Variants in ANKS1B observed in about 807,000 individuals in gnomAD.
ANKS1B encodes ankyrin repeat and sterile alpha motif domain containing 1B.
Under a neutral mutation model 148.3 loss-of-function variants are expected in ANKS1B, and 36 were observed. The observed-to-expected ratio is 0.24, with a 90% confidence interval of 0.19 to 0.32. The LOEUF is 0.32. Ranked by LOEUF, ANKS1B falls within the 10% of genes least tolerant of loss-of-function variation. The pLI is 1.00. For synonymous variants in ANKS1B, 542 were observed against 560.8 expected (o/e 0.97, Z 0.47); for missense variants, 1,157 against 1,542.6 (o/e 0.75, Z 4.19).
intron 9 of ANKS1B, among the ~76,000 whole-genome samples, chr12:99,546,974 C>T (rs903777243): frequency 3.3e-5 from 5 of 151,996 alleles, no homozygotes; most frequent in Non-Finnish European, 7.4e-5. Context: ...GATGAATAAA[C>T]AAGAGGATGA....
intron 14 of ANKS1B, among the ~76,000 whole-genome samples, chr12:99,189,111 G>A (rs2080288552): frequency 6.6e-6 from 1 of 152,052 alleles, no homozygotes; most frequent in Non-Finnish European, 1.5e-5. Context: ...ATAAATTGCT[G>A]GACACATACT....
intron 9 of ANKS1B, among the ~76,000 whole-genome samples, chr12:99,534,873 C>A (rs1290650724): frequency 6.6e-6 from 1 of 151,816 alleles, no homozygotes; most frequent in Non-Finnish European, 1.5e-5. Context: ...CCACACCCGG[C>A]TGATTTTTTC....
At chr12:99,796,243 G>A (rs1029305030) in intron 4 of ANKS1B, among the ~76,000 whole-genome samples, 1 of 151,998 alleles carries the variant, frequency 6.6e-6, no homozygotes, top group African/African-American at 2.4e-5. Context: ...GCAGGACAAA[G>A]TATGATGGTG....
chr12:99,740,277 T>G (rs1345159643), intron 8 of ANKS1B, among the ~76,000 whole-genome samples: 2 of 151,842 alleles, frequency 1.3e-5, no homozygotes, highest in African/African-American at 4.8e-5. Flanking sequence ...ACAACTGTAC[T>G]CCAGCCTGGT....
intron 15 of ANKS1B, among the ~76,000 whole-genome samples, chr12:99,110,188 T>G (rs1439486565): frequency 1.3e-5 from 2 of 152,168 alleles, no homozygotes; most frequent in African/African-American, 2.4e-5. Flanking sequence ...GTAAGATAGA[T>G]GAGAAACTGC....
intron 14 of ANKS1B, among the ~76,000 whole-genome samples, chr12:99,196,332 T>C (rs2081375781): frequency 6.6e-6 from 1 of 152,186 alleles, no homozygotes; most frequent in Non-Finnish European, 1.5e-5. Context: ...TACTTGCTCT[T>C]ATTTCCTGGC....
At chr12:98,742,005 T>C (rs1272757523), downstream of ANKS1B, among the ~76,000 whole-genome samples, 1 of 152,258 alleles carries the variant, frequency 6.6e-6, no homozygotes, top group Non-Finnish European at 1.5e-5. Context: ...ATGGTTTTTA[T>C]TACCACATTG....
At chr12:99,810,666 G>T (rs928549763) in intron 3 of ANKS1B, among the ~76,000 whole-genome samples, 3 of 151,894 alleles carry the variant, frequency 2.0e-5, no homozygotes, top group African/African-American at 7.2e-5. Context: ...TAATTTAATT[G>T]ATCTATTCAA....
intron 15 of ANKS1B, among the ~76,000 whole-genome samples, chr12:99,129,899 C>G (rs768573006): frequency 6.1e-4 from 93 of 152,110 alleles, no homozygotes; most frequent in Non-Finnish European, 4.3e-4. Flanking sequence ...ACATTTTAAA[C>G]TTATCAGTGC....
intron 10 of ANKS1B, among the ~76,000 whole-genome samples, chr12:99,448,577 C>CA (rs1160248419): frequency 4.6e-5 from 7 of 151,486 alleles, no homozygotes; most frequent in Non-Finnish European, 7.4e-5. Context: ...GTTCTCACCA[C>CA]AAAAAAAATG....
chr12:99,154,224 A>G (rs1020291069), intron 15 of ANKS1B, 65 bp downstream of exon 15: 1 of 1,595,212 alleles, frequency 6.3e-7, no homozygotes, highest in African/African-American at 1.3e-5. Context: ...CCTCTGAGCC[A>G]TGTAAGACAC....
intron 9 of ANKS1B, among the ~76,000 whole-genome samples, chr12:99,548,122 T>C (rs1190405172): frequency 2.0e-5 from 3 of 152,208 alleles, no homozygotes; most frequent in Non-Finnish European, 4.4e-5. Flanking sequence ...GTTAAGGAAA[T>C]TGGTCCACCT....
Position 99,984,141 on chromosome 12 carries a change from C to G in ANKS1B, c.97G>C (p.Gly33Arg). Residue 33 changes from glycine to arginine, a missense_variant, in exon 1 of 27, where the codon GGT (glycine) becomes CGT (arginine). Around this residue, in one of 6 missense-constraint regions of ANKS1B, gnomAD observed 164 missense variants for 232.6 expected, o/e 0.71. Transcript: ENST00000683438. The part of the protein sequence containing the change: ...LSGRKGGILG[G>R]GSGPLPLSNL... ...GACAGGGGCAGGGGTCCGGATCCACCGCCCAGGATCCCTCCTTTCCTGCCA... is the reference window on the plus strand; with the variant it reads ...GACAGGGGCAGGGGTCCGGATCCACGGCCCAGGATCCCTCCTTTCCTGCCA... 6.2e-7 allele frequency: 1 copy of G among 1,613,820 alleles called. No individual in the cohort carries two copies. Among genetic ancestry groups the G allele is most frequent in the South Asian group, 1.1e-5 (1 of 91,076 alleles).
At chr12:98,758,860 C>T (rs2098330628) in intron 25 of ANKS1B, among the ~76,000 whole-genome samples, 1 of 148,688 alleles carries the variant, frequency 6.7e-6, no homozygotes, top group Non-Finnish European at 1.5e-5. Flanking sequence ...AGCTTACTGC[C>T]ATCTCCACCT....
chr12:98,946,939 C>CAA lies in ANKS1B; in HGVS notation c.2778+106216_2778+106217dup, dbSNP rs57197334. On this transcript the variant is annotated intron_variant, in intron 17 of 26. Coordinates refer to ENST00000683438, the MANE Select transcript of ANKS1B (RefSeq NM_001352186.2). ...TGGGTGACAAAGCAAGATCTTTTCTCAAAAAAAAAAAAAAAAAAAAAAAAA... is the reference window on the plus strand; with the variant it reads ...TGGGTGACAAAGCAAGATCTTTTCTCAAAAAAAAAAAAAAAAAAAAAAAAAAA... Among the ~76,000 whole-genome samples, 405 of 41,588 alleles carry CAA rather than the reference C, an allele frequency of 9.7e-3. 17 individuals carry two copies. The highest frequency in any genetic ancestry group is 0.012 in the Non-Finnish European group (290 of 23,698). The allele number at this position is 41,588 out of a possible 152,430, so 27.3% of individuals were successfully genotyped here.
intron 15 of ANKS1B, among the ~76,000 whole-genome samples, chr12:99,106,082 A>T (rs2059147526): frequency 6.6e-6 from 1 of 152,190 alleles, no homozygotes; most frequent in South Asian, 2.1e-4. Context: ...CAGATCCTTT[A>T]CTAGGGATCT....
At chr12:99,298,744 G>A (rs1197533543) in intron 12 of ANKS1B, among the ~76,000 whole-genome samples, 2 of 152,090 alleles carry the variant, frequency 1.3e-5, no homozygotes, top group Non-Finnish European at 2.9e-5. Context: ...TGTCAATCTG[G>A]CCATAGCCTA....
intron 8 of ANKS1B, among the ~76,000 whole-genome samples, chr12:99,689,430 T>C (rs1277953268): frequency 1.3e-5 from 2 of 152,210 alleles, no homozygotes; most frequent in African/African-American, 4.8e-5. Flanking sequence ...CTAAGATTCC[T>C]ACTCTCTGAT....
chr12:99,276,487 C>T (rs1043962026), intron 12 of ANKS1B, among the ~76,000 whole-genome samples: 12 of 152,144 alleles, frequency 7.9e-5, no homozygotes, highest in Admixed American at 5.9e-4. Context: ...GATGTGTTTA[C>T]ACAGAGTGGA....
Sources: allele counts gnomAD v4.1 joint callset (sites outside exome capture counted in the v4.1 genomes callset), GRCh38; gene constraint gnomAD v4.1.1; regional missense constraint gnomAD v4.1.1; transcripts MANE v1.5; gene names NCBI Gene and HGNC (gene_info 2026-07-23, HGNC 2026-07-21).